The following SPEG variants were observed in gnomAD, a reference collection of about 807,000 sequenced individuals.
SPEG encodes the protein striated muscle preferentially expressed protein kinase.
Under a neutral mutation model 300.4 loss-of-function variants are expected in SPEG, and 114 were observed. The ratio of observed to expected loss-of-function variants is 0.38; its 90% CI spans 0.33 to 0.44. The LOEUF is 0.44. SPEG is among the 20% of genes least tolerant of loss of function. The pLI is 1.00. For missense variants in SPEG, 4,201 were observed against 4,586.2 expected (o/e 0.92, Z 2.43); for synonymous variants, 1,964 against 2,018.9 (o/e 0.97, Z 0.73).
At position 219,481,234 on chromosome 2, in the gene SPEG, C is replaced by T; in HGVS notation, c.5370-70C>T. The T allele has an allele frequency of 6.6e-7, 1 of 1,520,928 alleles. No homozygotes were observed. The highest frequency in any genetic ancestry group is 9.0e-7 in the Non-Finnish European group (1 of 1,108,740). The allele number at this position is 1,520,928 out of a possible 1,614,324, so 94.2% of individuals were successfully genotyped here. A position where few individuals can be genotyped will look rare whatever the true frequency, so the allele number is the denominator to read the frequency against. On this transcript the variant is annotated intron_variant, in intron 26 of 40. Coordinates refer to ENST00000312358, the MANE Select transcript of SPEG (RefSeq NM_005876.5). This position sits in a 1 kb window ranked among gnomAD's most constrained non-coding sequence, Gnocchi z 5.4. ...CCCCAGAGCCTCCATCTGTCCCCAGCCCTGTGCCCCCACTGACATTCCCCT... is the reference window on the plus strand; with the variant it reads ...CCCCAGAGCCTCCATCTGTCCCCAGTCCTGTGCCCCCACTGACATTCCCCT...
chr2:219,465,919 G>T, intron 9 of SPEG: 1 of 710,332 alleles, frequency 1.4e-6, no homozygotes, highest in Non-Finnish European at 2.4e-6. Flanking sequence ...ATGCGTGTGT[G>T]TGTGCGCGCG....
Position 219,479,086 on chromosome 2 carries a change from C to CGCTGG in SPEG, c.5028-50_5028-46dup. On this transcript the variant is annotated intron_variant, in intron 22 of 40. Coordinates refer to ENST00000312358, the MANE Select transcript of SPEG (RefSeq NM_005876.5). The surrounding 1 kb of genome is among the most constrained non-coding windows in gnomAD (Gnocchi z 5.5). ...GTGCTGAGCTGGGACCTGCCCTGAG[C>CGCTGG]GCTGGGCTGGGCCGGGCAGTTGGCA... 6.6e-7 allele frequency: 1 copy of CGCTGG among 1,520,738 alleles called. No homozygotes were observed. The highest frequency in any genetic ancestry group is 2.3e-5 in the East Asian group (1 of 44,408). The allele number at this position is 1,520,738 out of a possible 1,614,324, so 94.2% of individuals were successfully genotyped here.
Position 219,445,277 on chromosome 2 carries a change from ATTT to A in SPEG, c.815+117_815+119del, listed in dbSNP as rs1689196003. ...CCCTGCCCCATCCATCTCTCTGTGC[ATTT>A]CTTCACCCCCTGCTGCCACTCCATC... On this transcript the variant is annotated intron_variant, in intron 3 of 40. Transcript: ENST00000312358. The surrounding 1 kb of genome is among the most constrained non-coding windows in gnomAD (Gnocchi z 6.1). 4.9e-6 allele frequency: 5 copies of A among 1,012,216 alleles called. No individual in the cohort carries two copies. The highest frequency in any genetic ancestry group is 7.5e-6 in the Non-Finnish European group (5 of 670,230). The allele number at this position is 1,012,216 out of a possible 1,614,324, so 62.7% of individuals were successfully genotyped here.
Position 219,467,443 on chromosome 2 carries a change from C to T in SPEG, c.3142+9C>T. 1.3e-6 allele frequency: 2 copies of T among 1,591,918 alleles called. No homozygotes were observed. The highest frequency in any genetic ancestry group is 8.6e-7 in the Non-Finnish European group (1 of 1,166,042). ...GCTCAGCACGGCCAAAGGTAACTCC[C>T]CACTCAGGCATTGGGCTGCCGTGGG... is the stretch of plus-strand genomic sequence containing the variant. On this transcript the variant is annotated intron_variant, in intron 10 of 40. Transcript: ENST00000312358.
In SPEG at chr2:219,481,504, C is replaced by T. The variant is rs953439674; in HGVS notation, c.5522+48C>T. The T allele has an allele frequency of 2.5e-6, 4 of 1,608,888 alleles. No homozygotes were observed. The highest frequency in any genetic ancestry group is 3.4e-6 in the Non-Finnish European group (4 of 1,176,104). ...CCCCACCTGCAGGGTCACCCTCATA[C>T]CACCTGCCTGCTACTCCCAAACTCC... is the stretch of plus-strand genomic sequence containing the variant. On this transcript the variant is annotated intron_variant, in intron 27 of 40. Transcript: ENST00000312358. This position sits in a 1 kb window ranked among gnomAD's most constrained non-coding sequence, Gnocchi z 5.4.
At chr2:219,466,374 C>T (rs1691360679) in intron 9 of SPEG, 2 of 1,378,702 alleles carry the variant, frequency 1.5e-6, no homozygotes, top group Non-Finnish European at 9.4e-7. Flanking sequence ...AAGGGGAGCA[C>T]CGGGCGAGTG....
In SPEG at chr2:219,444,965, C is replaced by G. The variant is rs751881977; in HGVS notation, c.619C>G (p.Arg207Gly). Reference protein sequence around the residue: ...QEAGSGGGTRRLPGSPRQAQA... With the variant: ...QEAGSGGGTRGLPGSPRQAQA... ...AGCGGGCAGTGGGGGTGGCACCCGC[C>G]GCCTCCCGGGCAGCCCAAGGCAAGC... is the stretch of plus-strand genomic sequence containing the variant. The change falls in exon 3 of 41, where the codon CGC becomes GGC. Residue 207 changes from arginine (R) to glycine (G), a missense_variant. This residue lies in a region of SPEG where 1,258 missense variants were observed against 1,293.9 expected (regional missense o/e 0.97). Transcript: ENST00000312358. This position sits in a 1 kb window ranked among gnomAD's most constrained non-coding sequence, Gnocchi z 7.8. The G allele has an allele frequency of 6.2e-7, 1 of 1,603,026 alleles. No individual in the cohort carries two copies. The highest frequency in any genetic ancestry group is 2.2e-5 in the East Asian group (1 of 44,736).
intron 6 of SPEG, among the ~76,000 whole-genome samples, chr2:219,457,702 G>C (rs543134536): frequency 6.6e-6 from 1 of 152,384 alleles, no homozygotes; most frequent in South Asian, 2.1e-4. Flanking sequence ...AAAGGAGCCA[G>C]AGGCCTGAGG....
At chr2:219,438,018 G>A (rs956203570) in intron 1 of SPEG, among the ~76,000 whole-genome samples, 2 of 152,156 alleles carry the variant, frequency 1.3e-5, no homozygotes, top group Non-Finnish European at 2.9e-5. Context: ...CACTCCTGAA[G>A]CCGGATATGT....
chr2:219,459,956 G>A lies in SPEG; in HGVS notation c.2441-1926G>A, dbSNP rs1198804300. Among the ~76,000 whole-genome samples, 1 of 152,204 alleles carries A rather than the reference G, an allele frequency of 6.6e-6. No homozygotes were observed. The highest frequency in any genetic ancestry group is 2.4e-5 in the African/African-American group (1 of 41,446). ...TTGCGGGGTGAGGTGATAGGAAGAG[G>A]GAGAAGGACATGTGACCCCTGCTCA... is the stretch of plus-strand genomic sequence containing the variant. On this transcript the variant is annotated intron_variant, in intron 6 of 40. Coordinates refer to ENST00000312358, the MANE Select transcript of SPEG (RefSeq NM_005876.5). The surrounding 1 kb of genome is among the most constrained non-coding windows in gnomAD (Gnocchi z 4.9).
At position 219,451,798 on chromosome 2, in the gene SPEG, G is replaced by T. The variant is rs766218167; in HGVS notation, c.2431G>T (p.Val811Leu). Reference protein sequence around the residue: ...GQATCAASLTVRPGGSTSPFS... With the variant: ...GQATCAASLTLRPGGSTSPFS... ...GGCCACCTGTGCCGCCTCACTGACCGTGAGACCCGGTAGGGAGCCCATCAA... is the reference window on the plus strand; with the variant it reads ...GGCCACCTGTGCCGCCTCACTGACCTTGAGACCCGGTAGGGAGCCCATCAA... The change falls in exon 6 of 41, where the codon GTG (valine) becomes TTG (leucine). Residue 811 changes from valine to leucine, a missense_variant. Transcript: ENST00000312358. This position sits in a 1 kb window ranked among gnomAD's most constrained non-coding sequence, Gnocchi z 6.4. The T allele has an allele frequency of 2.6e-6, 4 of 1,541,496 alleles. No individual in the cohort carries two copies. The highest frequency in any genetic ancestry group is 3.5e-6 in the Non-Finnish European group (4 of 1,142,030).
In SPEG at chr2:219,480,190, C is replaced by G. The variant is rs759797526; in HGVS notation, c.5342+50C>G. On this transcript the variant is annotated intron_variant, in intron 25 of 40. Transcript: ENST00000312358. The surrounding 1 kb of genome is among the most constrained non-coding windows in gnomAD (Gnocchi z 5.3). ...CCGACCAGGGCAGCTGCCCTTGGGG[C>G]TGTGCTGGGGACGCGCTCACTGGCA... 15 of 1,590,226 alleles carry G rather than the reference C, an allele frequency of 9.4e-6. No homozygotes were observed. Among genetic ancestry groups the G allele is most frequent in the Admixed American group, 1.7e-5 (1 of 59,612 alleles).
In SPEG at chr2:219,481,974, G is replaced by C; in HGVS notation, c.5565+294G>C. On this transcript the variant is annotated intron_variant, in intron 28 of 40. Transcript: ENST00000312358. The surrounding 1 kb of genome is among the most constrained non-coding windows in gnomAD (Gnocchi z 5.4). ...CTCAGTGGAGTTCTCCCCCATGCTT[G>C]AGACCAGACCCTGGTCTTCCTGACT... 2 of 547,938 alleles carry C rather than the reference G, an allele frequency of 3.7e-6. No homozygotes were observed. Among genetic ancestry groups the C allele is most frequent in the South Asian group, 4.3e-5 (2 of 46,974 alleles). 33.9% of individuals were successfully genotyped at this position (547,938 alleles called of 1,614,324 possible).
In SPEG at chr2:219,481,274, C is replaced by A. The variant is rs1014191465; in HGVS notation, c.5370-30C>A. On this transcript the variant is annotated intron_variant, in intron 26 of 40. Transcript: ENST00000312358. The surrounding 1 kb of genome is among the most constrained non-coding windows in gnomAD (Gnocchi z 5.4). ...GACATTCCCCTTTGTCCCCGCCTGCCCCTCATGACAGCCCTCTTCACCCCT... is the reference window on the plus strand; with the variant it reads ...GACATTCCCCTTTGTCCCCGCCTGCACCTCATGACAGCCCTCTTCACCCCT... 9 of 1,609,774 alleles carry A rather than the reference C, an allele frequency of 5.6e-6. No individual in the cohort carries two copies. The highest frequency in any genetic ancestry group is 4.4e-5 in the South Asian group (4 of 90,520).
rs71040459 is a variant in SPEG at position 219,463,392 on chromosome 2, A to ATTTTT, written c.2706-1007_2706-1003dup. 2.1e-4 allele frequency among the ~76,000 whole-genome samples: 5 copies of ATTTTT among 23,946 alleles called. 1 individual carries two copies. Among genetic ancestry groups the ATTTTT allele is most frequent in the Admixed American group, 6.7e-4 (1 of 1,488 alleles). 15.7% of individuals were successfully genotyped at this position (23,946 alleles called of 152,430 possible). On this transcript the variant is annotated intron_variant, in intron 8 of 40. Coordinates refer to ENST00000312358, the MANE Select transcript of SPEG (RefSeq NM_005876.5). ...AATTGATTGTCTGGTCCCCACTGTG[A>ATTTTT]TTTTTTTTTTTTTTTTTTTTTTTTT...
At position 219,492,889 on chromosome 2, in the gene SPEG, T is replaced by C. The variant is rs1294344418; in HGVS notation, c.*103T>C. On this transcript the variant is annotated 3_prime_UTR_variant, in exon 41 of 41. Transcript: ENST00000312358. Reference sequence around the variant, plus strand: ...GAGCCAGGCGGGCCTGGGGCTTCGGTTACCACCAGCAGCAACATCTGGCTG... The same window carrying C: ...GAGCCAGGCGGGCCTGGGGCTTCGGCTACCACCAGCAGCAACATCTGGCTG... 8.4e-7 allele frequency: 1 copy of C among 1,183,486 alleles called. No individual in the cohort carries two copies. Among genetic ancestry groups the C allele is most frequent in the East Asian group, 2.5e-5 (1 of 39,264 alleles). The allele number at this position is 1,183,486 out of a possible 1,614,324, so 73.3% of individuals were successfully genotyped here. A position where few individuals can be genotyped will look rare whatever the true frequency, so the allele number is the denominator to read the frequency against.
intron 12 of SPEG, 27 bp from the exon 13 acceptor site, chr2:219,469,129 C>G: frequency 6.2e-7 from 1 of 1,612,534 alleles, no homozygotes; most frequent in African/African-American, 1.3e-5. Context: ...CGGCCCTGGG[C>G]CTGTGGGCAG....
chr2:219,466,507 C>A, intron 9 of SPEG: 1 of 1,107,280 alleles, frequency 9.0e-7, no homozygotes, highest in East Asian at 6.4e-5. Flanking sequence ...TACGGCATGG[C>A]ATGGAGGGGC....
chr2:219,493,008 A>C lies in SPEG; in HGVS notation c.*222A>C. The stretch of plus-strand genomic sequence containing the variant: ...AGCCAGAGTGGGAGACCCATTGGTC[A>C]GGCTCAGCAGGGTGGGAACAGGCAG... On this transcript the variant is annotated 3_prime_UTR_variant, in exon 41 of 41. Coordinates refer to ENST00000312358, the MANE Select transcript of SPEG (RefSeq NM_005876.5). The C allele has an allele frequency of 1.4e-6, 1 of 702,640 alleles. No homozygotes were observed. The highest frequency in any genetic ancestry group is 2.6e-6 in the Non-Finnish European group (1 of 386,232). The allele number at this position is 702,640 out of a possible 1,614,324, so 43.5% of individuals were successfully genotyped here.
Sources: allele counts gnomAD v4.1 joint callset (sites outside exome capture counted in the v4.1 genomes callset), GRCh38; gene constraint gnomAD v4.1.1; regional missense constraint gnomAD v4.1.1; non-coding constraint Gnocchi (gnomAD v3.1); transcripts MANE v1.5; gene names NCBI Gene and HGNC (gene_info 2026-07-23, HGNC 2026-07-21).